WIPF3: variants seen among roughly 807,000 people sequenced by gnomAD.
The protein encoded by WIPF3 is WAS/WASL-interacting protein family member 3.
In WIPF3, 33 loss-of-function variants were observed where a neutral mutation model predicts 38.9. The observed-to-expected ratio is 0.85, with a 90% confidence interval of 0.64 to 1.14. The LOEUF (loss-of-function observed/expected upper bound fraction) is 1.14, where lower values mean the gene tolerates loss of function less well. WIPF3 is among the 50% of genes most tolerant of loss of function. The probability of loss-of-function intolerance (pLI) is 0.00; values close to 1 mark genes in which losing one functional copy is unlikely to be tolerated. For missense variants in WIPF3, 711 were observed against 652.5 expected (o/e 1.09, Z -0.98); for synonymous variants, 324 against 269.3 (o/e 1.20, Z -1.99).
At chr7:29,807,213 A>G (rs1784297225) in intron 1 of WIPF3, among the ~76,000 whole-genome samples, 1 of 152,160 alleles carries the variant, frequency 6.6e-6, no homozygotes, top group Non-Finnish European at 1.5e-5. Flanking sequence ...TGAGGAAGCC[A>G]ACTCCAGAGA....
At chr7:29,871,485 G>C (rs6954382) in intron 2 of WIPF3, among the ~76,000 whole-genome samples, 1 of 152,168 alleles carries the variant, frequency 6.6e-6, no homozygotes, top group Admixed American at 6.5e-5. Context: ...ATAGGGTTTG[G>C]ACCCTTGTTG....
intron 8 of WIPF3, among the ~76,000 whole-genome samples, chr7:29,911,169 CATAGA>C (rs1786498618): frequency 6.6e-6 from 1 of 151,980 alleles, no homozygotes. Context: ...TTTATGATAG[CATAGA>C]AAAGAATGAA....
chr7:29,873,315 A>G (rs1431330484), intron 2 of WIPF3, among the ~76,000 whole-genome samples: 1 of 152,174 alleles, frequency 6.6e-6, no homozygotes, highest in Non-Finnish European at 1.5e-5. Context: ...TGGGCTGTGA[A>G]TATTATTATA....
At chr7:29,879,624 TAGAGTA>T (rs1785675741) in intron 4 of WIPF3, among the ~76,000 whole-genome samples, 2 of 152,342 alleles carry the variant, frequency 1.3e-5, no homozygotes, top group Middle Eastern at 3.4e-3. Context: ...GTTAGCAGCT[TAGAGTA>T]GTCTTGGCTG....
At chr7:29,865,745 A>G (rs1785374889) in intron 2 of WIPF3, among the ~76,000 whole-genome samples, 1 of 152,184 alleles carries the variant, frequency 6.6e-6, no homozygotes, top group Admixed American at 6.5e-5. Context: ...CAATGCAACC[A>G]TTTCAGGACT....
At chr7:29,835,476 A>G (rs1012351788) in intron 2 of WIPF3, among the ~76,000 whole-genome samples, 1 of 152,028 alleles carries the variant, frequency 6.6e-6, no homozygotes, top group Non-Finnish European at 1.5e-5. Context: ...TGTCCTATGC[A>G]TTGTAGGATG....
At chr7:29,910,542 G>C (rs957874675) in intron 8 of WIPF3, among the ~76,000 whole-genome samples, 2 of 152,018 alleles carry the variant, frequency 1.3e-5, no homozygotes, top group Admixed American at 6.5e-5. Flanking sequence ...ATCAAATCCA[G>C]TAGTATATTA....
chr7:29,854,559 G>A (rs1281102299), intron 2 of WIPF3, among the ~76,000 whole-genome samples: 1 of 152,156 alleles, frequency 6.6e-6, no homozygotes, highest in African/African-American at 2.4e-5. Flanking sequence ...AACAGATGAC[G>A]AATCCCTTCC....
intron 1 of WIPF3, among the ~76,000 whole-genome samples, chr7:29,825,669 A>G (rs1339396974): frequency 6.6e-6 from 1 of 152,194 alleles, no homozygotes; most frequent in Non-Finnish European, 1.5e-5. Flanking sequence ...CCTTTCACCA[A>G]ATACTGTTCA....
At chr7:29,824,187 GATCCCAGCT>G (rs1784581047) in intron 1 of WIPF3, among the ~76,000 whole-genome samples, 3 of 152,174 alleles carry the variant, frequency 2.0e-5, no homozygotes, top group Non-Finnish European at 4.4e-5. Flanking sequence ...CCATCCCTGT[GATCCCAGCT>G]ATTACGGATG....
intron 5 of WIPF3, among the ~76,000 whole-genome samples, chr7:29,886,980 G>A (rs1261744966): frequency 6.6e-6 from 1 of 152,192 alleles, no homozygotes; most frequent in Non-Finnish European, 1.5e-5. Flanking sequence ...AGATCCTTGT[G>A]CCCAGAAAGG....
intron 1 of WIPF3, among the ~76,000 whole-genome samples, chr7:29,825,828 G>T (rs965766855): frequency 6.6e-6 from 1 of 152,148 alleles, no homozygotes; most frequent in African/African-American, 2.4e-5. Context: ...TTCCATTTTA[G>T]AATTCACATA....
chr7:29,807,120 G>A lies in WIPF3; in HGVS notation c.-58+442G>A, dbSNP rs180931230. On this transcript the variant is annotated intron_variant, in intron 1 of 8. Transcript: ENST00000242140. ...GTCTCGCTGGGGAGGGGGCTGTCGCGGGAAGGGCTGGGGCGGAGTAAAAGA... is the reference window on the plus strand; with the variant it reads ...GTCTCGCTGGGGAGGGGGCTGTCGCAGGAAGGGCTGGGGCGGAGTAAAAGA... Among the ~76,000 whole-genome samples the A allele has an allele frequency of 4.4e-3, 675 of 152,202 alleles. 2 individuals are homozygous for A. Among genetic ancestry groups the A allele is most frequent in the African/African-American group, 0.015 (642 of 41,556 alleles).
At chr7:29,887,891 A>G (rs1785915045) in intron 5 of WIPF3, among the ~76,000 whole-genome samples, 177 bp from the exon 6 acceptor site, 1 of 152,212 alleles carries the variant, frequency 6.6e-6, no homozygotes, top group Non-Finnish European at 1.5e-5. Context: ...AGGCTATGCT[A>G]CTTATCCCAA....
At chr7:29,877,545 C>T (rs1369529297) in intron 3 of WIPF3, among the ~76,000 whole-genome samples, 2 of 152,116 alleles carry the variant, frequency 1.3e-5, no homozygotes, top group Non-Finnish European at 2.9e-5. Context: ...TTTTTAACTG[C>T]TAAGTACTTA....
Position 29,904,287 on chromosome 7 carries a change from C to A in WIPF3, c.1353C>A (p.Ser451Arg). 1 of 1,613,714 alleles carries A rather than the reference C, an allele frequency of 6.2e-7. No homozygotes were observed. The change falls in exon 8 of 9, where the codon AGC becomes AGA. Residue 451 changes from serine to arginine, a missense_variant and splice_region_variant. Transcript: ENST00000242140. ...TGAGATTGTTCTTTTTTCCTTCAGGCCGTACACCTGGTCCCTGGCTCCAAG... is the reference window on the plus strand; with the variant it reads ...TGAGATTGTTCTTTTTTCCTTCAGGACGTACACCTGGTCCCTGGCTCCAAG... ...QKIYPSKIPR[S>R]RTPGPWLQAE... is the part of the protein sequence containing the mutation.
At chr7:29,833,369 G>A (rs1011220991) in intron 1 of WIPF3, among the ~76,000 whole-genome samples, 6 of 152,140 alleles carry the variant, frequency 3.9e-5, no homozygotes, top group Admixed American at 3.9e-4. Flanking sequence ...CCAATCCCAG[G>A]TCTGCTGGTT....
intron 2 of WIPF3, among the ~76,000 whole-genome samples, chr7:29,867,548 C>G (rs80218100): frequency 2.0e-5 from 3 of 150,258 alleles, no homozygotes; most frequent in Non-Finnish European, 4.4e-5. Flanking sequence ...GCTCTGCCCC[C>G]GCCCCCTCCA....
chr7:29,875,804 G>A, intron 2 of WIPF3, 26 bp from the exon 3 acceptor site: 3 of 1,607,262 alleles, frequency 1.9e-6, no homozygotes, highest in Non-Finnish European at 2.6e-6. Flanking sequence ...TGCTACTATA[G>A]TCAAATCCCT....
Sources: gnomAD v4.1 joint callset for allele counts (sites outside exome capture counted in the v4.1 genomes callset) on GRCh38, gnomAD v4.1.1 for gene constraint, MANE v1.5 for transcripts, NCBI Gene and HGNC (gene_info 2026-07-23, HGNC 2026-07-21) for gene names.